The following PTPRM variants were observed in gnomAD, a reference collection of about 807,000 sequenced individuals.
PTPRM encodes the protein protein tyrosine phosphatase receptor type M, also known as receptor-type tyrosine-protein phosphatase mu.
PTPRM carries 47 observed loss-of-function variants against 186.7 expected under a neutral mutation model. The ratio of observed to expected loss-of-function variants is 0.25; its 90% CI spans 0.20 to 0.32. The LOEUF (loss-of-function observed/expected upper bound fraction) is 0.32, where lower values mean the gene tolerates loss of function less well. Ranked by LOEUF, PTPRM falls within the 10% of genes least tolerant of loss-of-function variation. The pLI is 1.00. For synonymous variants in PTPRM, 668 were observed against 674.9 expected (o/e 0.99, Z 0.16); for missense variants, 1,494 against 1,865.0 (o/e 0.80, Z 3.66).
chr18:7,812,155 G>GGAT (rs1434237075), intron 2 of PTPRM, among the ~76,000 whole-genome samples: 2 of 152,162 alleles, frequency 1.3e-5, no homozygotes, highest in Non-Finnish European at 1.5e-5. Context: ...GGATGAAGTA[G>GGAT]GCATTACTGA....
intron 19 of PTPRM, among the ~76,000 whole-genome samples, chr18:8,292,106 G>A (rs920500007): frequency 2.0e-5 from 3 of 152,172 alleles, no homozygotes; most frequent in East Asian, 1.9e-4. Context: ...CTGAGAGATC[G>A]TACCATATCA....
chr18:7,847,117 T>C (rs2046634215), intron 2 of PTPRM, among the ~76,000 whole-genome samples: 1 of 150,898 alleles, frequency 6.6e-6, no homozygotes, highest in Non-Finnish European at 1.5e-5. Flanking sequence ...GTGTTGGATT[T>C]AGAGGGGTAT....
intron 1 of PTPRM, among the ~76,000 whole-genome samples, chr18:7,681,992 A>G (rs1264219073): frequency 6.6e-6 from 1 of 152,214 alleles, no homozygotes; most frequent in Non-Finnish European, 1.5e-5. Context: ...ACATAGGAGC[A>G]CTATATCAGT....
chr18:7,984,976 T>C (rs1568131109), intron 7 of PTPRM, among the ~76,000 whole-genome samples: 1 of 125,302 alleles, frequency 8.0e-6, no homozygotes, highest in African/African-American at 3.2e-5. Flanking sequence ...TATAATTATA[T>C]ATACATATAA....
At chr18:7,704,639 T>C (rs2040038138) in intron 1 of PTPRM, among the ~76,000 whole-genome samples, 1 of 152,136 alleles carries the variant, frequency 6.6e-6, no homozygotes, top group Admixed American at 6.6e-5. Flanking sequence ...AAAGAGAAAA[T>C]AAGTGTTAAC....
chr18:7,712,889 TTTGA>T lies in PTPRM; in HGVS notation c.74-61256_74-61253del, dbSNP rs543126901. Among the ~76,000 whole-genome samples the T allele has an allele frequency of 4.6e-3, 693 of 152,112 alleles. 1 individual carries two copies. Among genetic ancestry groups the T allele is most frequent in the Non-Finnish European group, 7.5e-3 (510 of 67,994 alleles). The stretch of plus-strand genomic sequence containing the variant: ...ACTGTGTGAAAAGACCAAACCTATG[TTTGA>T]TTGGTGTACCTGAAAGTGACAAGGA... On this transcript the variant is annotated intron_variant, in intron 1 of 32. Coordinates refer to ENST00000580170, the MANE Select transcript of PTPRM (RefSeq NM_001105244.2).
chr18:8,008,324 A>G (rs1422708834), intron 7 of PTPRM, among the ~76,000 whole-genome samples: 1 of 152,208 alleles, frequency 6.6e-6, no homozygotes, highest in Non-Finnish European at 1.5e-5. Context: ...ACAGCAGCTG[A>G]CAAGACCAAC....
intron 1 of PTPRM, among the ~76,000 whole-genome samples, chr18:7,573,987 A>G (rs2036625052): frequency 6.6e-6 from 1 of 152,182 alleles, no homozygotes; most frequent in Admixed American, 6.5e-5. Context: ...CTGAATCCGC[A>G]ACCCTGGGGA....
chr18:8,311,145 C>T (rs1444002757), intron 20 of PTPRM, among the ~76,000 whole-genome samples: 1 of 152,056 alleles, frequency 6.6e-6, no homozygotes. Flanking sequence ...CCCATCTCTA[C>T]TTAAAATATA....
At chr18:7,690,757 T>A (rs542616615) in intron 1 of PTPRM, among the ~76,000 whole-genome samples, 2 of 152,222 alleles carry the variant, frequency 1.3e-5, no homozygotes, top group South Asian at 4.1e-4. Flanking sequence ...TAAAGTTCAT[T>A]AACTCTTATT....
At chr18:8,165,643 G>A (rs2093311612) in intron 14 of PTPRM, among the ~76,000 whole-genome samples, 1 of 152,198 alleles carries the variant, frequency 6.6e-6, no homozygotes, top group Admixed American at 6.5e-5. Context: ...ATGTTCTGCT[G>A]CATTATTTTT....
chr18:7,978,990 A>T (rs539752326), intron 7 of PTPRM, among the ~76,000 whole-genome samples: 1 of 152,182 alleles, frequency 6.6e-6, no homozygotes, highest in Non-Finnish European at 1.5e-5. Context: ...TCACTGAGCC[A>T]TAGGCCCGTG....
chr18:8,089,297 A>T (rs1259903741), intron 11 of PTPRM, among the ~76,000 whole-genome samples: 1 of 152,182 alleles, frequency 6.6e-6, no homozygotes, highest in Non-Finnish European at 1.5e-5. Context: ...AAAATATGAG[A>T]TGTATAGTTT....
intron 7 of PTPRM, among the ~76,000 whole-genome samples, chr18:8,036,381 G>A (rs1363696526): frequency 1.3e-5 from 2 of 152,210 alleles, no homozygotes; most frequent in Non-Finnish European, 2.9e-5. Context: ...TGGGTAAGTA[G>A]TTGTATTAAA....
At position 7,699,030 on chromosome 18, in the gene PTPRM, C is replaced by T. The variant is rs1598394693; in HGVS notation, c.74-75119C>T. ...TGCACATCAGGACGTGAGTGGCAGGCCAGGGAGCATTACTGTCTGAGCTCC... is the reference window on the plus strand; with the variant it reads ...TGCACATCAGGACGTGAGTGGCAGGTCAGGGAGCATTACTGTCTGAGCTCC... On this transcript the variant is annotated intron_variant, in intron 1 of 32. Coordinates refer to ENST00000580170, the MANE Select transcript of PTPRM (RefSeq NM_001105244.2). Among the ~76,000 whole-genome samples the T allele has an allele frequency of 2.0e-5, 3 of 152,200 alleles. No homozygotes were observed. In the South Asian group the frequency reaches 6.2e-4, roughly 32 times the overall value.
intron 14 of PTPRM, among the ~76,000 whole-genome samples, chr18:8,149,960 T>C (rs192278658): frequency 8.5e-5 from 13 of 152,318 alleles, no homozygotes; most frequent in Admixed American, 7.8e-4. Flanking sequence ...TCTTTAAGAA[T>C]GTTGAATATT....
At chr18:8,114,245 T>C (rs1287191172) in intron 12 of PTPRM, among the ~76,000 whole-genome samples, 6 of 151,970 alleles carry the variant, frequency 3.9e-5, no homozygotes, top group Non-Finnish European at 8.8e-5. Context: ...AATAGAAAAA[T>C]GAGACGGAAA....
At chr18:8,383,889 C>G (rs747397429) in intron 29 of PTPRM, among the ~76,000 whole-genome samples, 7 of 152,194 alleles carry the variant, frequency 4.6e-5, no homozygotes, top group Non-Finnish European at 1.0e-4. Flanking sequence ...TACCTTACAT[C>G]CTGGGGTGGC....
chr18:8,182,764 T>G (rs2093593298), intron 14 of PTPRM, among the ~76,000 whole-genome samples: 2 of 152,208 alleles, frequency 1.3e-5, no homozygotes, highest in African/African-American at 4.8e-5. Flanking sequence ...TAATACATGT[T>G]TATTATAAAA....
Sources: allele counts gnomAD v4.1 joint callset (sites outside exome capture counted in the v4.1 genomes callset), GRCh38; gene constraint gnomAD v4.1.1; transcripts MANE v1.5; gene names NCBI Gene and HGNC (gene_info 2026-07-23, HGNC 2026-07-21).